The following VTN variants were observed in gnomAD, a reference collection of about 807,000 sequenced individuals.
VTN encodes vitronectin.
In VTN, 45 loss-of-function variants were observed where a neutral mutation model predicts 55.9. The ratio of observed to expected loss-of-function variants is 0.80; its 90% confidence interval spans 0.63 to 1.03. VTN has a LOEUF of 1.03. Ranked by LOEUF, VTN falls within the 50% of genes least tolerant of loss-of-function variation. The probability of loss-of-function intolerance (pLI) is 0.00; values close to 1 mark genes in which losing one functional copy is unlikely to be tolerated. For synonymous variants in VTN, 238 were observed against 242.3 expected (o/e 0.98, Z 0.17); for missense variants, 589 against 638.2 (o/e 0.92, Z 0.83).
In VTN at chr17:28,368,552, G is replaced by C. The variant is rs143380142; in HGVS notation, c.948C>G (p.Ile316Met). Reference sequence around the variant, plus strand: ...TTCTGCCCCAGAAGAGAAGCTCGAAGATGTCCTCCCAGCTGTCCCGCTGCA... The same window carrying C: ...TTCTGCCCCAGAAGAGAAGCTCGAACATGTCCTCCCAGCTGTCCCGCTGCA... ...AMMQRDSWED[I>M]FELLFWGRTS... Residue 316 changes from isoleucine (I) to methionine (M), a missense_variant, in exon 6 of 8, where the codon ATC (isoleucine) becomes ATG (methionine). By Grantham distance (10) the Ile-to-Met change is conservative (BLOSUM62 1). Coordinates refer to ENST00000226218, the MANE Select transcript of VTN (RefSeq NM_000638.4). 75 of 1,613,938 alleles carry C rather than the reference G, an allele frequency of 4.6e-5. No individual in the cohort carries two copies. In the African/African-American group the frequency reaches 9.6e-4, roughly 21 times the overall value.
intron 5 of VTN, 74 bp from the exon 6 acceptor site, chr17:28,368,747 T>C: frequency 6.2e-7 from 1 of 1,609,662 alleles, no homozygotes; most frequent in South Asian, 1.1e-5. Context: ...CTGTTGAAGT[T>C]AGGATCTCCC....
chr17:28,367,374 G>C lies in VTN; in HGVS notation c.1432C>G (p.Leu478Val). The C allele has an allele frequency of 3.8e-6, 6 of 1,589,032 alleles. No individual in the cohort carries two copies. Among genetic ancestry groups the C allele is most frequent in the Non-Finnish European group, 5.1e-6 (6 of 1,169,650 alleles). ...YWLGCPAPGH[L>V] is the part of the protein sequence containing the mutation. Reference sequence around the variant, plus strand: ...GGCCATGTGGGCTCTGACTCCTACAGATGGCCAGGAGCTGGGCAGCCCAGC... The same window carrying C: ...GGCCATGTGGGCTCTGACTCCTACACATGGCCAGGAGCTGGGCAGCCCAGC... Residue 478 changes from leucine to valine, a missense_variant, in exon 8 of 8, where the codon CTG becomes GTG. Physicochemically the swap from Leu to Val is conservative, Grantham distance 32 (BLOSUM62 1). Coordinates refer to ENST00000226218, the MANE Select transcript of VTN (RefSeq NM_000638.4).
rs1173627423 is a variant in VTN, at chr17:28,369,669, G to C, written c.367C>G (p.Pro123Ala). 2 of 1,613,778 alleles carry C rather than the reference G, an allele frequency of 1.2e-6. No homozygotes were observed. Among genetic ancestry groups the C allele is most frequent in the African/African-American group, 2.7e-5 (2 of 75,034 alleles). ...TTAGAGGCGCCCACCTCAGGCGCAG[G>C]GGCCTCTTCCTCAGGTTTCAGAACA... Reference protein sequence around the residue: ...TPVLKPEEEAPAPEVGASKPE... With the variant: ...TPVLKPEEEAAAPEVGASKPE... Residue 123 changes from proline (P) to alanine (A), a missense_variant, in exon 3 of 8, where the codon CCT becomes GCT. This residue lies in a region of VTN where 217 missense variants were observed against 241.3 expected (regional missense o/e 0.90). Coordinates refer to ENST00000226218, the MANE Select transcript of VTN (RefSeq NM_000638.4). The surrounding 1 kb of genome is among the most constrained non-coding windows in gnomAD (Gnocchi z 5.3).
In VTN at chr17:28,369,425, T is replaced by C; in HGVS notation, c.533A>G (p.Gln178Arg). Residue 178 changes from glutamine to arginine, a missense_variant, in exon 4 of 8, where the codon CAG (glutamine) becomes CGG (arginine). Physicochemically the swap from Gln to Arg is conservative, Grantham distance 43 (BLOSUM62 1). Coordinates refer to ENST00000226218, the MANE Select transcript of VTN (RefSeq NM_000638.4). The surrounding 1 kb of genome is among the most constrained non-coding windows in gnomAD (Gnocchi z 5.3). ...CTTTTCGTCCAGTTCATAGCAGTAC[T>C]GCCCTAGAGTGGAGGAGATGGTGTG... ...KNGSLFAFRG[Q>R]YCYELDEKAV... 1 of 1,591,080 alleles carries C rather than the reference T, an allele frequency of 6.3e-7. No individual in the cohort carries two copies. Among genetic ancestry groups the C allele is most frequent in the Non-Finnish European group, 8.6e-7 (1 of 1,165,054 alleles).
intron 7 of VTN, 67 bp from the exon 8 acceptor site, chr17:28,367,548 G>T: frequency 1.4e-6 from 2 of 1,463,752 alleles, no homozygotes; most frequent in Non-Finnish European, 9.5e-7. Flanking sequence ...CCCTTGAGAA[G>T]TCTAGGGTCT....
In VTN at chr17:28,369,945, C is replaced by T; in HGVS notation, c.166G>A (p.Ala56Thr). The change falls in exon 2 of 8, where the codon GCT becomes ACT. Residue 56 changes from alanine (A) to threonine (T), a missense_variant. Coordinates refer to ENST00000226218, the MANE Select transcript of VTN (RefSeq NM_000638.4). This position sits in a 1 kb window ranked among gnomAD's most constrained non-coding sequence, Gnocchi z 5.3. ...AACACACCTTGGGGCTTGCACTCAG[C>T]CGTATAGTCTGTGCAGCAGCTCTGG... ...YYQSCCTDYT[A>T]ECKPQVTRGD... 6.2e-7 allele frequency: 1 copy of T among 1,614,078 alleles called. No individual in the cohort carries two copies. The highest frequency in any genetic ancestry group is 8.5e-7 in the Non-Finnish European group (1 of 1,180,028).
At position 28,368,670 on chromosome 17, in the gene VTN, T is replaced by C; in HGVS notation, c.830A>G (p.Lys277Arg). 1 of 1,613,608 alleles carries C rather than the reference T, an allele frequency of 6.2e-7. No homozygotes were observed. The highest frequency in any genetic ancestry group is 8.5e-7 in the Non-Finnish European group (1 of 1,179,860). Reference sequence around the variant, plus strand: ...CTGGAACTGGTACTCCCAGTACTGTTTCCCTGAGGAGCAGGGTGGTGGGCA... The same window carrying C: ...CTGGAACTGGTACTCCCAGTACTGTCTCCCTGAGGAGCAGGGTGGTGGGCA... ...GRERVYFFKG[K>R]QYWEYQFQHQ... Residue 277 changes from lysine (K) to arginine (R), a missense_variant, in exon 6 of 8, where the codon AAA (lysine) becomes AGA (arginine). Transcript: ENST00000226218.
chr17:28,369,482 TC>T lies in VTN; in HGVS notation c.529+24del. ...GGGACGCTCCTGGGGCAGACCCGCA[TC>T]CCCAGTACCTGCCCTGGATTCACCT... On this transcript the variant is annotated intron_variant, in intron 3 of 7. Transcript: ENST00000226218. This position sits in a 1 kb window ranked among gnomAD's most constrained non-coding sequence, Gnocchi z 5.3. The T allele has an allele frequency of 6.3e-7, 1 of 1,593,672 alleles. No individual in the cohort carries two copies.
Position 28,367,734 on chromosome 17 carries a change from ACT to A in VTN, c.1303_1304del (p.Ser435CysfsTer67). The stretch of plus-strand genomic sequence containing the variant: ...TCCTACCTCCAGAGAAGAAGAAGAC[ACT>A]CTGGATGGGTTCACAGGTGGCAGGC... ...LVPATCEPIQSVFFFSGDKYY... is the reference protein window; with the variant it reads ...LVPATCEPIQXVFFFSGDKYY... On this transcript the variant is annotated frameshift_variant, in exon 7 of 8. Transcript: ENST00000226218. LOFTEE classifies it high-confidence loss of function. 3 of 1,610,642 alleles carry A rather than the reference ACT, an allele frequency of 1.9e-6. No homozygotes were observed. Among genetic ancestry groups the A allele is most frequent in the Non-Finnish European group, 2.5e-6 (3 of 1,177,676 alleles).
rs557083802 is a variant in VTN at position 28,367,285 on chromosome 17, C to T, written c.*84G>A. The T allele has an allele frequency of 7.7e-6, 7 of 908,374 alleles. No individual in the cohort carries two copies. The Admixed American group carries it at 1.4e-4, about 19-fold the overall frequency. The allele number at this position is 908,374 out of a possible 1,614,324, so 56.3% of individuals were successfully genotyped here. Reference sequence around the variant, plus strand: ...CCAGTCAGAACAATAATTTTAAACTCGGGGCTAAGGGACCTTTATTGGGCT... The same window carrying T: ...CCAGTCAGAACAATAATTTTAAACTTGGGGCTAAGGGACCTTTATTGGGCT... On this transcript the variant is annotated 3_prime_UTR_variant, in exon 8 of 8. Coordinates refer to ENST00000226218, the MANE Select transcript of VTN (RefSeq NM_000638.4).
At chr17:28,367,677 C>T (rs2067915626) in intron 7 of VTN, 38 bp downstream of exon 7, 26 of 1,590,626 alleles carry the variant, frequency 1.6e-5, no homozygotes, top group Non-Finnish European at 2.1e-5. Context: ...AAGGAAAACC[C>T]AAGCTAGACC....
In VTN at chr17:28,369,332, G is replaced by A; in HGVS notation, c.626C>T (p.Ala209Val). Reference sequence around the variant, plus strand: ...CCCCTGACAGTTGATGCGGGTGAAGGCGGCATCGATGGGGCCCTCGATGCC... The same window carrying A: ...CCCCTGACAGTTGATGCGGGTGAAGACGGCATCGATGGGGCCCTCGATGCC... ...VWGIEGPIDA[A>V]FTRINCQGKT... Residue 209 changes from alanine (A) to valine (V), a missense_variant, in exon 4 of 8, where the codon GCC (alanine) becomes GTC (valine). By Grantham distance (64) the Ala-to-Val change is moderately conservative. Transcript: ENST00000226218. This position sits in a 1 kb window ranked among gnomAD's most constrained non-coding sequence, Gnocchi z 5.3. 1 of 1,606,680 alleles carries A rather than the reference G, an allele frequency of 6.2e-7. No homozygotes were observed. Among genetic ancestry groups the A allele is most frequent in the Non-Finnish European group, 8.5e-7 (1 of 1,174,434 alleles).
chr17:28,368,922 G>A lies in VTN; in HGVS notation c.776C>T (p.Ala259Val), dbSNP rs781817514. Residue 259 changes from alanine (A) to valine (V), a missense_variant, in exon 5 of 8, where the codon GCC becomes GTC. Physicochemically the swap from Ala to Val is moderately conservative, Grantham distance 64. Coordinates refer to ENST00000226218, the MANE Select transcript of VTN (RefSeq NM_000638.4). ...GIPDNVDAALALPAHSYSGRE... is the reference protein window; with the variant it reads ...GIPDNVDAALVLPAHSYSGRE... ...GCCACTGTAGCTATGGGCAGGGAGG[G>A]CCAAGGCTGCATCCACGTTGTCCGG... The A allele has an allele frequency of 6.2e-7, 1 of 1,609,030 alleles. No individual in the cohort carries two copies. Among genetic ancestry groups the A allele is most frequent in the Non-Finnish European group, 8.5e-7 (1 of 1,178,732 alleles).
rs782521366 is a variant in VTN, at chr17:28,369,261, T to C, written c.669+28A>G. ...AGCTCTCAAACCCTCCCTAGATGCTTTCTACCCTGGCCCACAGCCCCTGGC... is the reference window on the plus strand; with the variant it reads ...AGCTCTCAAACCCTCCCTAGATGCTCTCTACCCTGGCCCACAGCCCCTGGC... On this transcript the variant is annotated intron_variant, in intron 4 of 7. Coordinates refer to ENST00000226218, the MANE Select transcript of VTN (RefSeq NM_000638.4). The surrounding 1 kb of genome is among the most constrained non-coding windows in gnomAD (Gnocchi z 5.3). 3.2e-6 allele frequency: 5 copies of C among 1,557,086 alleles called. No individual in the cohort carries two copies. The highest frequency in any genetic ancestry group is 2.4e-5 in the South Asian group (2 of 83,488).
rs782022688 is a variant in VTN at position 28,369,856 on chromosome 17, A to G, written c.185-5T>C. The stretch of plus-strand genomic sequence containing the variant: ...TGAACACATCCCCGCGAGTCACTGC[A>G]GAGAGTGGATGGTAGTGAGTCTCCA... On this transcript the variant is annotated splice_region_variant and splice_polypyrimidine_tract_variant and intron_variant, in intron 2 of 7. Coordinates refer to ENST00000226218, the MANE Select transcript of VTN (RefSeq NM_000638.4). This position sits in a 1 kb window ranked among gnomAD's most constrained non-coding sequence, Gnocchi z 5.3. The G allele has an allele frequency of 6.2e-6, 10 of 1,612,356 alleles. No homozygotes were observed. The East Asian group carries it at 2.0e-4, about 32-fold the overall frequency.
Position 28,367,403 on chromosome 17 carries a change from T to A in VTN, c.1403A>T (p.Tyr468Phe). 1 of 1,611,866 alleles carries A rather than the reference T, an allele frequency of 6.2e-7. No homozygotes were observed. Among genetic ancestry groups the A allele is most frequent in the Non-Finnish European group, 8.5e-7 (1 of 1,179,392 alleles). Residue 468 changes from tyrosine (Y) to phenylalanine (F), a missense_variant, in exon 8 of 8, where the codon TAC becomes TTC. By Grantham distance (22) the Tyr-to-Phe change is conservative. This residue lies in a region of VTN where 334 missense variants were observed against 328.2 expected (regional missense o/e 1.02). Coordinates refer to ENST00000226218, the MANE Select transcript of VTN (RefSeq NM_000638.4). ...GCCAGGAGCTGGGCAGCCCAGCCAG[T>A]ACTGAGCGATGGAGCGTGGGTAGGG... The part of the protein sequence containing the change: ...DPPYPRSIAQ[Y>F]WLGCPAPGHL
At position 28,367,977 on chromosome 17, in the gene VTN, G is replaced by T. The variant is rs781980846; in HGVS notation, c.1062C>A (p.Ile354=). 3 of 1,596,126 alleles carry T rather than the reference G, an allele frequency of 1.9e-6. No homozygotes were observed. In the African/African-American group the frequency reaches 4.0e-5, roughly 21 times the overall value. Residue 354 remains isoleucine (I), a synonymous_variant, in exon 7 of 8, where the codon ATC becomes ATA. Coordinates refer to ENST00000226218, the MANE Select transcript of VTN (RefSeq NM_000638.4). The part of the protein sequence containing the change: ...GQVDAAMAGR[I]YISGMAPRPS... The stretch of plus-strand genomic sequence containing the variant: ...GGCGGGGTGCCATGCCTGAGATGTA[G>T]ATGCGGCCAGCCATGGCTGCGTCCA...
In VTN at chr17:28,368,761, A is replaced by G. The variant is rs1009074725; in HGVS notation, c.827-88T>C. On this transcript the variant is annotated intron_variant, in intron 5 of 7. Transcript: ENST00000226218. ...GCTGTTGAAGTTAGGATCTCCCAGC[A>G]TGAGGTGGGGGTCAGGGGTGGGCAC... 1.1e-5 allele frequency: 17 copies of G among 1,608,576 alleles called. No homozygotes were observed. The African/African-American group carries it at 1.9e-4, about 18-fold the overall frequency.
At position 28,367,462 on chromosome 17, in the gene VTN, A is replaced by G. The variant is rs2227728; in HGVS notation, c.1344T>C (p.Asn448=). Residue 448 remains asparagine (N), a synonymous_variant, in exon 8 of 8, where the codon AAT becomes AAC. Coordinates refer to ENST00000226218, the MANE Select transcript of VTN (RefSeq NM_000638.4). ...FFSGDKYYRV[N]LRTRRVDTVD... ...CAGTGTCCACTCGCCGTGTGCGAAG[A>G]TTGACTCGGTAGTACTTGTCTGGAA... 148,485 of 1,613,202 alleles carry G rather than the reference A, an allele frequency of 0.092. 8,012 individuals carry two copies. Among genetic ancestry groups the G allele is most frequent in the East Asian group, 0.2 (8,764 of 44,848 alleles).
Sources: allele counts gnomAD v4.1 joint callset, GRCh38; gene constraint gnomAD v4.1.1; regional missense constraint gnomAD v4.1.1; non-coding constraint Gnocchi (gnomAD v3.1); transcripts MANE v1.5; gene names NCBI Gene and HGNC (gene_info 2026-07-23, HGNC 2026-07-21).